ADGRL3: variants seen among roughly 807,000 people sequenced by gnomAD.
ADGRL3 encodes calcium-independent alpha-latrotoxin receptor 3.
ADGRL3 carries 62 observed loss-of-function variants against 153.5 expected under a neutral mutation model. The ratio of observed to expected loss-of-function variants is 0.40; its 90% confidence interval spans 0.33 to 0.50. The LOEUF is 0.50. Among genes scored for constraint, ADGRL3 ranks in the 20% least tolerant of loss-of-function variants. The probability of loss-of-function intolerance (pLI) is 0.47; values close to 1 mark genes in which losing one functional copy is unlikely to be tolerated. For synonymous variants in ADGRL3, 710 were observed against 672.5 expected (o/e 1.06, Z -0.86); for missense variants, 1,641 against 1,859.4 (o/e 0.88, Z 2.16).
chr4:61,711,458 T>TTTTATATATATA (rs1491302780), intron 6 of ADGRL3, among the ~76,000 whole-genome samples: 1,166 of 34,542 alleles, frequency 0.034, 95 homozygotes, highest in East Asian at 0.14. Flanking sequence ...ATATGCTTCA[T>TTTTATATATATA]TATATATATA....
intron 4 of ADGRL3, among the ~76,000 whole-genome samples, chr4:61,540,845 C>G (rs1191111129): frequency 6.6e-6 from 1 of 152,046 alleles, no homozygotes; most frequent in African/African-American, 2.4e-5. Flanking sequence ...TGATTAGGAA[C>G]AGCAAGGGGC....
At chr4:61,600,466 T>C (rs1282727667) in intron 5 of ADGRL3, among the ~76,000 whole-genome samples, 1 of 152,160 alleles carries the variant, frequency 6.6e-6, no homozygotes, top group South Asian at 2.1e-4. Context: ...CAGATACTTA[T>C]GCGTGATCTG....
chr4:62,064,337 G>GA (rs1180221819), intron 25 of ADGRL3, among the ~76,000 whole-genome samples: 3,874 of 141,774 alleles, frequency 0.027, 171 homozygotes, highest in African/African-American at 0.092. Flanking sequence ...TTGTATCTCA[G>GA]AAAAAAAAAA....
At chr4:61,297,475 A>G (rs1166922632) in intron 1 of ADGRL3, among the ~76,000 whole-genome samples, 1 of 152,158 alleles carries the variant, frequency 6.6e-6, no homozygotes, top group Non-Finnish European at 1.5e-5. Flanking sequence ...TTTTTAATTT[A>G]TTGATGATTA....
At chr4:61,807,780 G>A (rs2097568045) in intron 8 of ADGRL3, among the ~76,000 whole-genome samples, 1 of 152,088 alleles carries the variant, frequency 6.6e-6, no homozygotes, top group Non-Finnish European at 1.5e-5. Context: ...TATATGTCCT[G>A]GATTTGCTTC....
chr4:61,417,638 A>G (rs962354460), intron 2 of ADGRL3, among the ~76,000 whole-genome samples: 1 of 151,900 alleles, frequency 6.6e-6, no homozygotes, highest in African/African-American at 2.4e-5. Flanking sequence ...GAAAAAATTT[A>G]GAAAAACCTT....
chr4:61,233,772 G>T (rs1362258559), intron 1 of ADGRL3, among the ~76,000 whole-genome samples: 1 of 152,056 alleles, frequency 6.6e-6, no homozygotes, highest in African/African-American at 2.4e-5. Context: ...AGAAAGGTAG[G>T]TAAGAGCCTA....
At chr4:61,360,521 T>A (rs1578425965) in intron 1 of ADGRL3, among the ~76,000 whole-genome samples, 1 of 152,160 alleles carries the variant, frequency 6.6e-6, no homozygotes, top group Non-Finnish European at 1.5e-5. Flanking sequence ...AAGTTATGGT[T>A]GGTAAACATG....
intron 25 of ADGRL3, among the ~76,000 whole-genome samples, chr4:62,059,332 A>G (rs1390569599): frequency 6.6e-6 from 1 of 152,144 alleles, no homozygotes; most frequent in African/African-American, 2.4e-5. Flanking sequence ...AACACTAATC[A>G]TCAAATTCCA....
chr4:61,338,719 A>G (rs1306164530), intron 1 of ADGRL3, among the ~76,000 whole-genome samples: 3 of 152,220 alleles, frequency 2.0e-5, no homozygotes, highest in Admixed American at 6.5e-5. Flanking sequence ...TACATATTGT[A>G]CAGGTAGAAC....
intron 17 of ADGRL3, 42 bp from the exon 18 acceptor site, chr4:61,979,521 T>C: frequency 6.5e-7 from 1 of 1,546,624 alleles, no homozygotes; most frequent in Non-Finnish European, 8.9e-7. Context: ...TGTAATTGGT[T>C]ATGCATAAGC....
intron 18 of ADGRL3, 60 bp from the exon 19 acceptor site, chr4:61,983,323 G>A (rs766234528): frequency 2.1e-5 from 27 of 1,290,844 alleles, no homozygotes; most frequent in Non-Finnish European, 2.6e-5. Context: ...TGGTTTTATG[G>A]CAGTTGACTA....
At chr4:61,343,913 C>T (rs1244733358) in intron 1 of ADGRL3, among the ~76,000 whole-genome samples, 1 of 152,146 alleles carries the variant, frequency 6.6e-6, no homozygotes, top group Non-Finnish European at 1.5e-5. Flanking sequence ...TTTTCATTTT[C>T]AATTTTGTGA....
At chr4:61,847,868 AAATATATTATATAT>A (rs1182586561) in intron 9 of ADGRL3, among the ~76,000 whole-genome samples, 14 of 17,996 alleles carry the variant, frequency 7.8e-4, no homozygotes, top group African/African-American at 1.4e-3. Flanking sequence ...ATATAATATA[AAATATATTATATAT>A]AATATAAAAT....
chr4:62,025,330 C>T (rs1162849923), intron 21 of ADGRL3, among the ~76,000 whole-genome samples: 2 of 152,104 alleles, frequency 1.3e-5, no homozygotes, highest in African/African-American at 2.4e-5. Context: ...TCCTCCACTG[C>T]CTGCTAAGAT....
intron 4 of ADGRL3, among the ~76,000 whole-genome samples, chr4:61,533,473 A>AT (rs11374089): frequency 0.79 from 119,711 of 151,710 alleles, 47,489 homozygotes; most frequent in East Asian, 0.93. Context: ...GAGCATTTGT[A>AT]TTTTTTTTAT....
chr4:61,546,047 G>T (rs913338820), intron 4 of ADGRL3, among the ~76,000 whole-genome samples: 3 of 152,088 alleles, frequency 2.0e-5, no homozygotes, highest in South Asian at 4.1e-4. Flanking sequence ...CTAAGCCCTG[G>T]TTATCTCTTG....
At chr4:61,886,726 C>G (rs1211478210) in intron 9 of ADGRL3, among the ~76,000 whole-genome samples, 1 of 152,080 alleles carries the variant, frequency 6.6e-6, no homozygotes, top group Non-Finnish European at 1.5e-5. Context: ...ACTTCAACCT[C>G]TACCTCCTGG....
chr4:61,583,821 A>G (rs2098935633), intron 4 of ADGRL3: 1 of 495,672 alleles, frequency 2.0e-6, no homozygotes, highest in African/African-American at 2.0e-5. Context: ...TTGATATAAC[A>G]GATTACCTCA....
Sources: allele counts gnomAD v4.1 joint callset (sites outside exome capture counted in the v4.1 genomes callset), GRCh38; gene constraint gnomAD v4.1.1; transcripts MANE v1.5; gene names NCBI Gene and HGNC (gene_info 2026-07-23, HGNC 2026-07-21).